The following RGSL1 variants were observed in gnomAD, a reference collection of about 807,000 sequenced individuals.
RGSL1 encodes regulator of G protein signaling like 1.
In RGSL1, 97 loss-of-function variants were observed where a neutral mutation model predicts 124.7. The ratio of observed to expected loss-of-function variants is 0.78; its 90% confidence interval spans 0.66 to 0.92. The LOEUF is 0.92. Among genes scored for constraint, RGSL1 ranks in the 40% least tolerant of loss-of-function variants. The probability of loss-of-function intolerance (pLI) is 0.00; values close to 1 mark genes in which losing one functional copy is unlikely to be tolerated. For missense variants in RGSL1, 1,233 were observed against 1,288.4 expected (o/e 0.96, Z 0.66); for synonymous variants, 424 against 438.1 (o/e 0.97, Z 0.40).
upstream of RGSL1, chr1:182,450,135 C>A (rs766337472): frequency 4.7e-5 from 73 of 1,551,840 alleles, no homozygotes; most frequent in Middle Eastern, 1.7e-4. Flanking sequence ...CTGCCCCTAA[C>A]AAATTACTGT....
chr1:182,553,493 AT>A lies in RGSL1; in HGVS notation c.3084del (p.Ile1028MetfsTer11), dbSNP rs1156455494. On this transcript the variant is annotated frameshift_variant, in exon 19 of 22. Transcript: ENST00000294854. LOFTEE classifies it high-confidence loss of function. The part of the protein sequence containing the change: ...AILRFTLLRG[I>X]EWLQPQREAI... ...CTTAAGGTTCACCTTGCTCAGAGGT[AT>A]TGAGTGGTTGCAGCCTCAACGGGAA... 1.9e-6 allele frequency: 3 copies of A among 1,551,932 alleles called. No individual in the cohort carries two copies. In the African/African-American group the frequency reaches 4.1e-5, roughly 21 times the overall value.
rs74128935 is a variant in RGSL1 at position 182,494,740 on chromosome 1, C to T, written c.1825+1611C>T. Reference sequence around the variant, plus strand: ...TGAATTATCCTGGAAGATGATGCCTCATTTTCCTGAGGTATCGTCATTCTC... The same window carrying T: ...TGAATTATCCTGGAAGATGATGCCTTATTTTCCTGAGGTATCGTCATTCTC... On this transcript the variant is annotated intron_variant, in intron 9 of 21. Coordinates refer to ENST00000294854, the MANE Select transcript of RGSL1 (RefSeq NM_001137669.2). 3.6e-3 allele frequency among the ~76,000 whole-genome samples: 554 copies of T among 152,274 alleles called. 6 individuals carry two copies. The highest frequency in any genetic ancestry group is 0.013 in the African/African-American group (531 of 41,530).
At chr1:182,535,126 T>A (rs1485192542) in intron 14 of RGSL1, among the ~76,000 whole-genome samples, 1 of 152,148 alleles carries the variant, frequency 6.6e-6, no homozygotes, top group Non-Finnish European at 1.5e-5. Context: ...ATACCCATCA[T>A]CCAAGCCAAG....
chr1:182,519,840 A>T (rs947140019), intron 9 of RGSL1, among the ~76,000 whole-genome samples: 4 of 152,000 alleles, frequency 2.6e-5, no homozygotes. Flanking sequence ...ATAATCTGTC[A>T]TTCGACTCAT....
At chr1:182,544,556 C>T (rs1660090449) in intron 15 of RGSL1, among the ~76,000 whole-genome samples, 1 of 151,774 alleles carries the variant, frequency 6.6e-6, no homozygotes, top group Non-Finnish European at 1.5e-5. Flanking sequence ...TGTTGATTTT[C>T]TATCTGGATG....
intron 13 of RGSL1, among the ~76,000 whole-genome samples, chr1:182,531,289 A>G (rs192576574): frequency 6.6e-6 from 1 of 152,338 alleles, no homozygotes; most frequent in African/African-American, 2.4e-5. Context: ...AGCTTGTAGC[A>G]AGTGTCTTGC....
chr1:182,460,592 C>CCTTGCT (rs765719208), intron 4 of RGSL1: 2 of 452,688 alleles, frequency 4.4e-6, no homozygotes, highest in East Asian at 7.0e-5. Context: ...TAATTTGTCT[C>CCTTGCT]TTTGCTTTTG....
intron 9 of RGSL1, among the ~76,000 whole-genome samples, chr1:182,494,665 T>C (rs1385041890): frequency 1.3e-5 from 2 of 152,216 alleles, no homozygotes; most frequent in Non-Finnish European, 2.9e-5. Context: ...CATTCATTGG[T>C]ACCTGGGCCC....
chr1:182,503,701 A>T (rs907055558), intron 9 of RGSL1, among the ~76,000 whole-genome samples: 8 of 152,258 alleles, frequency 5.3e-5, no homozygotes, highest in Non-Finnish European at 1.2e-4. Flanking sequence ...AGCACAACAG[A>T]GTGGCTATTA....
intron 15 of RGSL1, among the ~76,000 whole-genome samples, chr1:182,545,686 A>G (rs1363376832): frequency 6.6e-6 from 1 of 152,034 alleles, no homozygotes; most frequent in Admixed American, 6.6e-5. Context: ...GTACTCTTGG[A>G]TGGTGGGTTT....
intron 19 of RGSL1, 39 bp downstream of exon 19, chr1:182,553,580 C>T: frequency 2.0e-6 from 3 of 1,522,324 alleles, no homozygotes; most frequent in African/African-American, 2.8e-5. Flanking sequence ...GTTTGCTACT[C>T]AATCAGAGGG....
At chr1:182,450,386 T>C in intron 1 of RGSL1, 1 of 608,622 alleles carries the variant, frequency 1.6e-6, no homozygotes, top group Non-Finnish European at 2.9e-6. Context: ...TACAGGGCCT[T>C]ATTCATAAGA....
intron 10 of RGSL1, among the ~76,000 whole-genome samples, chr1:182,522,884 T>G (rs536842691): frequency 6.6e-6 from 1 of 152,322 alleles, no homozygotes; most frequent in East Asian, 1.9e-4. Context: ...TTTATTCAGT[T>G]ACTATCTATT....
chr1:182,455,800 C>T lies in RGSL1; in HGVS notation c.96+1760C>T, dbSNP rs138200949. On this transcript the variant is annotated intron_variant, in intron 2 of 21. Coordinates refer to ENST00000294854, the MANE Select transcript of RGSL1 (RefSeq NM_001137669.2). ...AGATAAGCTGCACAGGCAGGCTGCG[C>T]CAAGCCCTGGAGATCAGGCAAACTA... 2.7e-3 allele frequency among the ~76,000 whole-genome samples: 413 copies of T among 152,286 alleles called. 2 individuals are homozygous for T. The highest frequency in any genetic ancestry group is 2.6e-3 in the Non-Finnish European group (174 of 68,022).
intron 15 of RGSL1, among the ~76,000 whole-genome samples, chr1:182,544,267 C>T (rs1461472586): frequency 6.6e-6 from 1 of 152,000 alleles, no homozygotes; most frequent in Non-Finnish European, 1.5e-5. Context: ...ATTGGTCATT[C>T]AGGAGCATGT....
At chr1:182,518,710 G>T (rs1414603476) in intron 9 of RGSL1, among the ~76,000 whole-genome samples, 1 of 152,126 alleles carries the variant, frequency 6.6e-6, no homozygotes, top group African/African-American at 2.4e-5. Context: ...CTGTTGCTGG[G>T]CATAATGCGG....
chr1:182,509,003 G>A (rs1657081341), intron 9 of RGSL1, among the ~76,000 whole-genome samples: 1 of 44,986 alleles, frequency 2.2e-5, no homozygotes, highest in Non-Finnish European at 4.8e-5. Flanking sequence ...AGGGTTGGGG[G>A]TAAGGTCACA....
intron 9 of RGSL1, among the ~76,000 whole-genome samples, chr1:182,509,349 T>C (rs1571606047): frequency 3.0e-5 from 1 of 33,230 alleles, no homozygotes; most frequent in Non-Finnish European, 8.5e-5. Context: ...ACGGGGCGGC[T>C]GGCCGGGCAG....
upstream of RGSL1, among the ~76,000 whole-genome samples, chr1:182,449,010 C>G (rs879689398): frequency 6.6e-6 from 1 of 152,106 alleles, no homozygotes; most frequent in African/African-American, 2.4e-5. Context: ...GAGACCTTGA[C>G]TCTATTTATT....
Sources: gnomAD v4.1 joint callset for allele counts (sites outside exome capture counted in the v4.1 genomes callset) on GRCh38, gnomAD v4.1.1 for gene constraint, MANE v1.5 for transcripts, NCBI Gene and HGNC (gene_info 2026-07-23, HGNC 2026-07-21) for gene names.